GALNT2: variants seen among roughly 807,000 people sequenced by gnomAD.
GALNT2 encodes polypeptide N-acetylgalactosaminyltransferase 2, also known as UDP-GalNAc:polypeptide N-acetylgalactosaminyltransferase 2.
In GALNT2, 31 loss-of-function variants were observed where a neutral mutation model predicts 81.4. The observed-to-expected ratio is 0.38, with a 90% CI of 0.29 to 0.51. The LOEUF (loss-of-function observed/expected upper bound fraction) is 0.51. Ranked by LOEUF, GALNT2 falls within the 20% of genes least tolerant of loss-of-function variation. The pLI, the probability that GALNT2 is intolerant of heterozygous loss-of-function variation, is 0.87. For synonymous variants in GALNT2, 303 were observed against 287.4 expected, an observed-to-expected ratio of 1.05 and a Z score of -0.55; for missense variants, 629 against 765.7, an observed-to-expected ratio of 0.82 and a Z score of 2.11.
At chr1:230,209,251 C>T (rs1167517051) in intron 3 of GALNT2, among the ~76,000 whole-genome samples, 1 of 151,998 alleles carries the variant, frequency 6.6e-6, no homozygotes, top group Non-Finnish European at 1.5e-5. Context: ...TGAATTGTGC[C>T]CCCTCAAGTT....
chr1:230,200,599 T>C (rs1394349217), intron 2 of GALNT2, among the ~76,000 whole-genome samples: 1 of 152,086 alleles, frequency 6.6e-6, no homozygotes, highest in Non-Finnish European at 1.5e-5. Context: ...GCTGTGGGGG[T>C]GTGAGAGCAC....
chr1:230,183,636 T>C (rs1663227273), intron 2 of GALNT2, among the ~76,000 whole-genome samples: 2 of 152,242 alleles, frequency 1.3e-5, no homozygotes, highest in Non-Finnish European at 2.9e-5. Context: ...GAATATATTG[T>C]TGCTATTATT....
chr1:230,109,843 AAAG>A lies in GALNT2; in HGVS notation c.126+42441_126+42443del, dbSNP rs1271355460. Among the ~76,000 whole-genome samples the A allele has an allele frequency of 9.2e-5, 14 of 152,138 alleles. No individual in the cohort carries two copies. In the East Asian group the frequency reaches 2.1e-3, roughly 23 times the overall value. On this transcript the variant is annotated intron_variant, in intron 1 of 15. Transcript: ENST00000366672. ...GAAACTTCGTCTCCAAAAAAAAAAA[AAAG>A]AAGGAACACTGTTAGGGAGGCAGTC...
Position 230,193,565 on chromosome 1 carries a change from CAGTTTTAT to C in GALNT2, c.221-9569_221-9562del, listed in dbSNP as rs1452172981. On this transcript the variant is annotated intron_variant, in intron 2 of 15. Transcript: ENST00000366672. This position sits in a 1 kb window ranked among gnomAD's most constrained non-coding sequence, Gnocchi z 4.3. ...TTGTGATGTTAATTCTTTGAAGGGT[CAGTTTTAT>C]AGGTTTCTGTCATCTTTTTTTTTTC... Among the ~76,000 whole-genome samples, 1 of 150,752 alleles carries C rather than the reference CAGTTTTAT, an allele frequency of 6.6e-6. No homozygotes were observed. The highest frequency in any genetic ancestry group is 1.5e-5 in the Non-Finnish European group (1 of 67,838).
At chr1:230,260,362 C>G (rs1310895921) in intron 11 of GALNT2, among the ~76,000 whole-genome samples, 1 of 152,128 alleles carries the variant, frequency 6.6e-6, no homozygotes, top group East Asian at 1.9e-4. Context: ...ATAAAAGGAG[C>G]TAGCACTGAG....
chr1:230,179,629 A>T (rs1246797297), intron 2 of GALNT2, among the ~76,000 whole-genome samples: 1 of 152,088 alleles, frequency 6.6e-6, no homozygotes, highest in Non-Finnish European at 1.5e-5. Flanking sequence ...CCTTTTGCGC[A>T]TTTTTAATCC....
At position 230,059,358 on chromosome 1, in the gene GALNT2, C is replaced by T. The variant is rs142046405; in HGVS notation, n.89+1280C>T. On this transcript the variant is annotated intron_variant and non_coding_transcript_variant, in intron 1 of 6. Coordinates refer to the GALNT2 transcript ENST00000494106. ...ATGTTACATTGATAAATGACAGCCA[C>T]GGTGCTGAACAGTACTAGGGGCTGA... Among the ~76,000 whole-genome samples, 3 of 152,314 alleles carry T rather than the reference C, an allele frequency of 2.0e-5. No individual in the cohort carries two copies. The East Asian group carries it at 5.8e-4, about 29-fold the overall frequency.
chr1:230,082,721 C>A (rs898525779), intron 1 of GALNT2, among the ~76,000 whole-genome samples: 5 of 152,250 alleles, frequency 3.3e-5, no homozygotes, highest in African/African-American at 1.2e-4. Flanking sequence ...GGAACATACG[C>A]ACTGGAGTGC....
At chr1:230,262,698 G>T in intron 12 of GALNT2, 33 bp downstream of exon 12, 1 of 1,510,010 alleles carries the variant, frequency 6.6e-7, no homozygotes, top group Non-Finnish European at 9.2e-7. Flanking sequence ...CACAATTACT[G>T]GGGATTCTTG....
chr1:230,142,590 C>T (rs1661780420), intron 1 of GALNT2, among the ~76,000 whole-genome samples: 1 of 152,142 alleles, frequency 6.6e-6, no homozygotes, highest in African/African-American at 2.4e-5. Context: ...ATTAAATATA[C>T]CTAGTACGTG....
intron 1 of GALNT2, among the ~76,000 whole-genome samples, chr1:230,061,779 A>G (rs1329069387): frequency 6.6e-6 from 1 of 152,100 alleles, no homozygotes; most frequent in African/African-American, 2.4e-5. Flanking sequence ...TGTGTATGTG[A>G]GTGTGTATGT....
upstream of GALNT2, among the ~76,000 whole-genome samples, chr1:230,066,908 G>T (rs988429978): frequency 4.6e-5 from 7 of 151,088 alleles, no homozygotes; most frequent in African/African-American, 1.7e-4. Flanking sequence ...CGGGCGGCCG[G>T]GGGCGGGGCG....
rs977058782 is a variant in GALNT2, at chr1:230,282,024, A to G, written c.*2566A>G. The G allele has an allele frequency of 4.6e-5, 7 of 152,134 alleles. No individual in the cohort carries two copies. The highest frequency in any genetic ancestry group is 1.7e-4 in the African/African-American group (7 of 41,428). 9.4% of individuals were successfully genotyped at this position (152,134 alleles called of 1,614,324 possible). ...AATTTTTTTTTCCAGTTGATTTTTA[A>G]AAAGAACTGCTGTACAGAGCTTGTA... On this transcript the variant is annotated 3_prime_UTR_variant, in exon 16 of 16. Transcript: ENST00000366672.
intron 14 of GALNT2, among the ~76,000 whole-genome samples, chr1:230,273,934 T>C (rs993924417): frequency 6.6e-6 from 1 of 152,234 alleles, no homozygotes; most frequent in Non-Finnish European, 1.5e-5. Flanking sequence ...CTTAGGAGGC[T>C]ATACACGATA....
chr1:230,267,264 G>A (rs1339177408), intron 14 of GALNT2, among the ~76,000 whole-genome samples: 1 of 152,240 alleles, frequency 6.6e-6, no homozygotes, highest in African/African-American at 2.4e-5. Flanking sequence ...TATTTTGCTA[G>A]AGAAAGGGAT....
chr1:230,199,370 A>G (rs1052280378), intron 2 of GALNT2, among the ~76,000 whole-genome samples: 1 of 152,180 alleles, frequency 6.6e-6, no homozygotes, highest in African/African-American at 2.4e-5. Context: ...CTTCAAACCT[A>G]GCAATTCTAT....
In GALNT2 at chr1:230,134,844, C is replaced by G. The variant is rs571523679; in HGVS notation, c.127-43374C>G. Among the ~76,000 whole-genome samples, 79 of 152,288 alleles carry G rather than the reference C, an allele frequency of 5.2e-4. No homozygotes were observed. The Middle Eastern group carries it at 0.02, about 39-fold the overall frequency. On this transcript the variant is annotated intron_variant, in intron 1 of 15. Transcript: ENST00000366672. The stretch of plus-strand genomic sequence containing the variant: ...GATTCCTCCCCGTGGACCCAGTGCT[C>G]AGAAAATCCAAGGCCAGTCTTGGTG...
chr1:230,130,961 A>G (rs1661348886), intron 1 of GALNT2, among the ~76,000 whole-genome samples: 1 of 152,178 alleles, frequency 6.6e-6, no homozygotes, highest in Admixed American at 6.5e-5. Flanking sequence ...GAGACAGGGT[A>G]GGAACCCCTC....
At chr1:230,178,350 C>G (rs369774628) in intron 2 of GALNT2, 39 bp downstream of exon 2, 1 of 1,496,476 alleles carries the variant, frequency 6.7e-7, no homozygotes, top group Non-Finnish European at 9.3e-7. Context: ...GCTTTGAGCA[C>G]GTGATTGGGA....
Sources: gnomAD v4.1 joint callset for allele counts (sites outside exome capture counted in the v4.1 genomes callset) on GRCh38, gnomAD v4.1.1 for gene constraint, Gnocchi (gnomAD v3.1) non-coding constraint, MANE v1.5 for transcripts, NCBI Gene and HGNC (gene_info 2026-07-23, HGNC 2026-07-21) for gene names.